EYS: variants seen among roughly 807,000 people sequenced by gnomAD.
EYS encodes EGF-like photoreceptor maintenance factor, also known as protein eyes shut homolog.
In EYS, 250 loss-of-function variants were observed where a neutral mutation model predicts 282.1. The observed-to-expected ratio is 0.89, with a 90% confidence interval of 0.80 to 0.98. EYS has a LOEUF of 0.98. EYS is among the 50% of genes least tolerant of loss of function. The pLI is 0.00. For missense variants in EYS, 4,016 were observed against 3,709.0 expected, an observed-to-expected ratio of 1.08 and a Z score of -2.15; for synonymous variants, 1,355 against 1,282.9, an observed-to-expected ratio of 1.06 and a Z score of -1.20.
chr6:65,523,688 T>G (rs1767453870), intron 2 of EYS, among the ~76,000 whole-genome samples: 1 of 152,156 alleles, frequency 6.6e-6, no homozygotes, highest in Non-Finnish European at 1.5e-5. Context: ...AAAATAACTT[T>G]TTTTAAAAAA....
chr6:64,362,447 G>A lies in EYS; in HGVS notation c.6078+26243C>T, dbSNP rs189512362. Among the ~76,000 whole-genome samples, 46 of 151,792 alleles carry A rather than the reference G, an allele frequency of 3.0e-4. 1 individual carries two copies. The highest frequency in any genetic ancestry group is 1.4e-3 in the Admixed American group (21 of 15,226). On this transcript the variant is annotated intron_variant, in intron 29 of 42. Coordinates refer to ENST00000503581, the MANE Select transcript of EYS (RefSeq NM_001142800.2). ...AGACTTCTTTCTTTCCAAAAGTAGA[G>A]GTTGCTAATAAAGAAGCTAAGAATA...
intron 31 of EYS, among the ~76,000 whole-genome samples, chr6:64,160,682 G>A: frequency 6.6e-6 from 1 of 151,924 alleles, no homozygotes; most frequent in Non-Finnish European, 1.5e-5. Flanking sequence ...ATGCATCTTT[G>A]TCTTTTTGGC....
At chr6:63,951,739 C>T (rs1013487775) in intron 35 of EYS, among the ~76,000 whole-genome samples, 1 of 151,058 alleles carries the variant, frequency 6.6e-6, no homozygotes, top group Non-Finnish European at 1.5e-5. Context: ...AAAGAGGTGG[C>T]TGGAGCTAAA....
intron 41 of EYS, among the ~76,000 whole-genome samples, chr6:63,727,723 A>AT (rs1409002144): frequency 2.5e-4 from 16 of 64,440 alleles, no homozygotes; most frequent in African/African-American, 1.7e-3. Context: ...AAAAAAAAAA[A>AT]AAAAAAAAAA....
At chr6:64,129,749 G>A (rs1352227882) in intron 31 of EYS, among the ~76,000 whole-genome samples, 4 of 152,118 alleles carry the variant, frequency 2.6e-5, no homozygotes, top group Admixed American at 2.6e-4. Flanking sequence ...TTTTCTAGGG[G>A]TTTTATGGTT....
At chr6:64,864,224 T>C (rs1011872530) in intron 19 of EYS, among the ~76,000 whole-genome samples, 2 of 152,002 alleles carry the variant, frequency 1.3e-5, no homozygotes, top group Non-Finnish European at 2.9e-5. Flanking sequence ...TGGAAGGATA[T>C]GTTTTTGTGA....
chr6:65,567,607 A>G (rs1764322223), intron 2 of EYS, among the ~76,000 whole-genome samples: 2 of 152,124 alleles, frequency 1.3e-5, no homozygotes, highest in African/African-American at 4.8e-5. Context: ...GGTTTCTAGG[A>G]AATGTATCAT....
intron 33 of EYS, among the ~76,000 whole-genome samples, chr6:64,022,386 T>G (rs1364117200): frequency 6.6e-6 from 1 of 152,242 alleles, no homozygotes; most frequent in African/African-American, 2.4e-5. Flanking sequence ...TTTTCTAATC[T>G]GTTTTTAGTG....
chr6:65,587,355 C>T (rs1402841514), intron 2 of EYS, among the ~76,000 whole-genome samples: 1 of 152,052 alleles, frequency 6.6e-6, no homozygotes, highest in Non-Finnish European at 1.5e-5. Flanking sequence ...CCCCAGGTAT[C>T]GTGAGAGGGA....
chr6:64,448,691 G>A (rs757646009), intron 26 of EYS, among the ~76,000 whole-genome samples: 7 of 152,074 alleles, frequency 4.6e-5, no homozygotes, highest in South Asian at 4.1e-4. Context: ...CAGCATTTGC[G>A]GTTCACCAAT....
chr6:64,482,492 C>G (rs1776463574), intron 26 of EYS, among the ~76,000 whole-genome samples: 1 of 151,502 alleles, frequency 6.6e-6, no homozygotes, highest in Non-Finnish European at 1.5e-5. Flanking sequence ...GACAAAAGTA[C>G]TTAAGTTCTA....
intron 22 of EYS, among the ~76,000 whole-genome samples, chr6:64,648,486 T>G (rs1183057653): frequency 6.6e-6 from 1 of 152,154 alleles, no homozygotes; most frequent in Non-Finnish European, 1.5e-5. Context: ...TATCATATAA[T>G]TTGGAAATAT....
intron 13 of EYS, among the ~76,000 whole-genome samples, chr6:65,014,539 G>A (rs1035735110): frequency 1.2e-4 from 18 of 152,224 alleles, no homozygotes; most frequent in African/African-American, 4.3e-4. Flanking sequence ...TTAGGCATGT[G>A]GGATACAGAA....
intron 2 of EYS, among the ~76,000 whole-genome samples, chr6:65,595,829 C>A (rs528279961): frequency 2.4e-4 from 36 of 152,094 alleles, no homozygotes; most frequent in African/African-American, 7.9e-4. Context: ...ACTGTTGAGT[C>A]TGGATTGGAT....
intron 22 of EYS, among the ~76,000 whole-genome samples, chr6:64,746,811 AG>A (rs1232768059): frequency 2.6e-5 from 4 of 152,370 alleles, no homozygotes; most frequent in African/African-American, 9.6e-5. Flanking sequence ...ATCCTCCTGT[AG>A]GTTGTCCAAT....
At chr6:64,277,852 T>G (rs371762844) in intron 30 of EYS, among the ~76,000 whole-genome samples, 1 of 152,128 alleles carries the variant, frequency 6.6e-6, no homozygotes, top group East Asian at 1.9e-4. Context: ...TAATCCATAC[T>G]TTTAAGATCA....
intron 8 of EYS, among the ~76,000 whole-genome samples, chr6:65,383,242 CT>C (rs892565295): frequency 6.6e-6 from 1 of 151,418 alleles, no homozygotes; most frequent in South Asian, 2.1e-4. Context: ...TCCCTCTAAT[CT>C]TTTTTTTAGT....
chr6:65,430,567 G>A (rs1333775598), intron 5 of EYS, among the ~76,000 whole-genome samples: 2 of 152,124 alleles, frequency 1.3e-5, no homozygotes, highest in Non-Finnish European at 2.9e-5. Context: ...ACACCAGCTG[G>A]GGCAGCTAAG....
chr6:63,996,840 T>C (rs1032438423), intron 34 of EYS, among the ~76,000 whole-genome samples: 8 of 152,174 alleles, frequency 5.3e-5, no homozygotes, highest in African/African-American at 1.9e-4. Flanking sequence ...TTTTAGCTAT[T>C]ATCAGAATTA....
Sources: gnomAD v4.1 joint callset for allele counts (sites outside exome capture counted in the v4.1 genomes callset) on GRCh38, gnomAD v4.1.1 for gene constraint, MANE v1.5 for transcripts, NCBI Gene and HGNC (gene_info 2026-07-23, HGNC 2026-07-21) for gene names.